The following PGM1 variants were observed in gnomAD, a reference collection of about 807,000 sequenced individuals.
PGM1 encodes phosphoglucomutase-1.
In PGM1, 52 loss-of-function variants were observed where a neutral mutation model predicts 55.6. That is an observed-to-expected ratio of 0.94 (90% CI 0.75 to 1.18). The LOEUF is 1.18. Among genes scored for constraint, PGM1 ranks in the 50% most tolerant of loss-of-function variants. The probability of loss-of-function intolerance (pLI) is 0.00; values close to 1 mark genes in which losing one functional copy is unlikely to be tolerated. For missense variants in PGM1, 724 were observed against 729.3 expected, an observed-to-expected ratio of 0.99 and a Z score of 0.08; for synonymous variants, 287 against 271.7, an observed-to-expected ratio of 1.06 and a Z score of -0.55.
At chr1:63,655,770 G>A (rs1506400) in intron 10 of PGM1, 73,084 of 152,220 alleles carry the variant, frequency 0.48, 18,360 homozygotes, top group African/African-American at 0.62. Flanking sequence ...ATGGTGGCCT[G>A]CACCTGTGGT....
chr1:63,635,802 TACTGTGGTACACAG>T (rs1477188088), intron 5 of PGM1, among the ~76,000 whole-genome samples: 7 of 152,230 alleles, frequency 4.6e-5, no homozygotes, highest in South Asian at 2.1e-4. Context: ...CCCTCCCAGT[TACTGTGGTACACAG>T]ACTGTGGTAC....
At chr1:63,594,964 A>AAAAG (rs1428317665) in intron 1 of PGM1, among the ~76,000 whole-genome samples, 1 of 148,206 alleles carries the variant, frequency 6.7e-6, no homozygotes, top group East Asian at 2.0e-4. Flanking sequence ...CCGTCTCAAA[A>AAAAG]AAAAAAAAAA....
intron 5 of PGM1, among the ~76,000 whole-genome samples, chr1:63,635,957 C>G (rs1649350028): frequency 6.6e-6 from 1 of 152,216 alleles, no homozygotes; most frequent in Admixed American, 6.5e-5. Flanking sequence ...TTAAAGTTAG[C>G]TGGCCTCTGG....
intron 1 of PGM1, among the ~76,000 whole-genome samples, chr1:63,628,999 T>G (rs2100981417): frequency 6.6e-6 from 1 of 152,336 alleles, no homozygotes; most frequent in South Asian, 2.1e-4. Context: ...TTGGGTAGAA[T>G]CCCTTTAATT....
intron 10 of PGM1, among the ~76,000 whole-genome samples, chr1:63,656,860 G>T (rs1649982520): frequency 6.6e-6 from 1 of 152,092 alleles, no homozygotes; most frequent in South Asian, 2.1e-4. Context: ...GGTCCAAAGG[G>T]TACAAAATTT....
intron 7 of PGM1, among the ~76,000 whole-genome samples, chr1:63,644,219 T>G (rs1038466237): frequency 2.0e-5 from 3 of 152,198 alleles, no homozygotes; most frequent in Non-Finnish European, 4.4e-5. Flanking sequence ...CGAAGTAAAG[T>G]GACAGGTGTT....
chr1:63,634,427 A>T (rs1277005623), intron 4 of PGM1, among the ~76,000 whole-genome samples: 1 of 152,172 alleles, frequency 6.6e-6, no homozygotes, highest in Non-Finnish European at 1.5e-5. Flanking sequence ...ACAGCCAATG[A>T]CTGGCAGAGC....
rs778024743 is a variant in PGM1, at chr1:63,648,529, T to C, written c.1157T>C (p.Ile386Thr). 1 of 1,614,048 alleles carries C rather than the reference T, an allele frequency of 6.2e-7. No individual in the cohort carries two copies. Among genetic ancestry groups the C allele is most frequent in the Non-Finnish European group, 8.5e-7 (1 of 1,179,992 alleles). Reference protein sequence around the residue: ...EESFGTGSDHIREKDGLWAVL... With the variant: ...EESFGTGSDHTREKDGLWAVL... ...GTCCCCCCTCCAGGTTCTGACCACA[T>C]CCGTGAGAAAGATGGACTGTGGGCT... The change falls in exon 8 of 11, where the codon ATC (isoleucine) becomes ACC (threonine). Residue 386 changes from isoleucine to threonine, a missense_variant. This residue lies in a region of PGM1 where 316 missense variants were observed against 313.1 expected (regional missense o/e 1.01). Transcript: ENST00000371084.
intron 1 of PGM1, chr1:63,623,826 A>T: frequency 9.0e-7 from 1 of 1,113,948 alleles, no homozygotes; most frequent in Non-Finnish European, 1.3e-6. Context: ...ACAGAAGTAT[A>T]CAAACGTACA....
chr1:63,594,386 T>TG lies in PGM1; in HGVS notation c.246+658dup, dbSNP rs1019604930. 1.7e-4 allele frequency among the ~76,000 whole-genome samples: 26 copies of TG among 152,176 alleles called. No homozygotes were observed. The East Asian group carries it at 4.9e-3, about 28-fold the overall frequency. On this transcript the variant is annotated intron_variant, in intron 1 of 10. Transcript: ENST00000371084. ...CCTGCCCTTTGCGCGGCCTGCTTGCTGGGGGGCAGGCGTTTGAAACATCTA... is the reference window on the plus strand; with the variant it reads ...CCTGCCCTTTGCGCGGCCTGCTTGCTGGGGGGGCAGGCGTTTGAAACATCTA...
Position 63,641,202 on chromosome 1 carries a change from T to C in PGM1, c.1144+2402T>C, listed in dbSNP as rs1649506337. On this transcript the variant is annotated intron_variant, in intron 7 of 10. Coordinates refer to ENST00000371084, the MANE Select transcript of PGM1 (RefSeq NM_002633.3). ...TTCAACAAATACCTAGTACCAATCATGGTTTTAGCTTCTCCTTGGTATATT... is the reference window on the plus strand; with the variant it reads ...TTCAACAAATACCTAGTACCAATCACGGTTTTAGCTTCTCCTTGGTATATT... 2.0e-5 allele frequency among the ~76,000 whole-genome samples: 3 copies of C among 152,332 alleles called. No individual in the cohort carries two copies. The South Asian group carries it at 6.2e-4, about 32-fold the overall frequency.
chr1:63,652,500 C>T (rs1205514777), intron 9 of PGM1, among the ~76,000 whole-genome samples: 1 of 152,184 alleles, frequency 6.6e-6, no homozygotes, highest in Non-Finnish European at 1.5e-5. Flanking sequence ...AGGCTGCAGG[C>T]TGGGTCAGGC....
chr1:63,605,430 C>T (rs1164160443), intron 1 of PGM1, among the ~76,000 whole-genome samples: 2 of 151,994 alleles, frequency 1.3e-5, no homozygotes, highest in Non-Finnish European at 2.9e-5. Flanking sequence ...TTTGTGCCTC[C>T]CTTGATTTCT....
intron 1 of PGM1, among the ~76,000 whole-genome samples, chr1:63,598,276 G>A (rs1648140354): frequency 6.6e-6 from 1 of 152,122 alleles, no homozygotes; most frequent in African/African-American, 2.4e-5. Flanking sequence ...ATCGTGCCGG[G>A]CAGAGTATTT....
intron 1 of PGM1, among the ~76,000 whole-genome samples, chr1:63,621,422 G>A (rs1648875982): frequency 6.6e-6 from 1 of 152,092 alleles, no homozygotes; most frequent in South Asian, 2.1e-4. Flanking sequence ...TATGTGGTTG[G>A]CTGCTCTGTT....
At chr1:63,618,793 T>C (rs1311102671) in intron 1 of PGM1, among the ~76,000 whole-genome samples, 1 of 152,196 alleles carries the variant, frequency 6.6e-6, no homozygotes, top group Non-Finnish European at 1.5e-5. Flanking sequence ...GATTCTCCAG[T>C]GGCTTGTGTT....
At chr1:63,619,677 C>T (rs1648834224) in intron 1 of PGM1, among the ~76,000 whole-genome samples, 1 of 152,194 alleles carries the variant, frequency 6.6e-6, no homozygotes, top group Non-Finnish European at 1.5e-5. Context: ...GTTCACAAGG[C>T]TCCATAGACT....
intron 1 of PGM1, among the ~76,000 whole-genome samples, chr1:63,615,645 C>T (rs1430532563): frequency 1.4e-5 from 2 of 138,044 alleles, no homozygotes; most frequent in East Asian, 5.0e-4. Context: ...TCACTGCAAT[C>T]TCCGCCTCCC....
At chr1:63,614,571 A>C (rs985696653) in intron 1 of PGM1, among the ~76,000 whole-genome samples, 5 of 152,200 alleles carry the variant, frequency 3.3e-5, no homozygotes, top group African/African-American at 1.2e-4. Context: ...GCAAGGTAGC[A>C]TGATAGTTAC....
Sources: allele counts gnomAD v4.1 joint callset (sites outside exome capture counted in the v4.1 genomes callset), GRCh38; gene constraint gnomAD v4.1.1; regional missense constraint gnomAD v4.1.1; transcripts MANE v1.5; gene names NCBI Gene and HGNC (gene_info 2026-07-23, HGNC 2026-07-21).